The following FUT9 variants were observed in gnomAD, a reference collection of about 807,000 sequenced individuals.
FUT9 encodes the protein 4-galactosyl-N-acetylglucosaminide 3-alpha-L-fucosyltransferase 9.
FUT9 carries 15 observed loss-of-function variants against 29.7 expected under a neutral mutation model. The observed-to-expected ratio is 0.51, with a 90% CI of 0.34 to 0.78. The LOEUF is 0.78. FUT9 is among the 30% of genes least tolerant of loss of function. The pLI, the probability that FUT9 is intolerant of heterozygous loss-of-function variation, is 0.01. For missense variants in FUT9, 319 were observed against 425.4 expected (o/e 0.75, Z 2.20); for synonymous variants, 169 against 153.7 (o/e 1.10, Z -0.74).
chr6:96,190,884 T>C (rs1412180622), intron 2 of FUT9, among the ~76,000 whole-genome samples: 1 of 152,218 alleles, frequency 6.6e-6, no homozygotes, highest in African/African-American at 2.4e-5. Flanking sequence ...AGTTTGATCA[T>C]CTGAAGCCTT....
At position 96,213,866 on chromosome 6, in the gene FUT9, T is replaced by C. The variant is rs1442711261; in HGVS notation, c.*9631T>C. 4.2e-5 allele frequency: 7 copies of C among 166,986 alleles called. No homozygotes were observed. Among genetic ancestry groups the C allele is most frequent in the Non-Finnish European group, 8.8e-5 (6 of 68,052 alleles). The allele number at this position is 166,986 out of a possible 1,614,324, so 10.3% of individuals were successfully genotyped here. A position where few individuals can be genotyped will look rare whatever the true frequency, so the allele number is the denominator to read the frequency against. ...GAAATAAGATGTGTTAGAAATTATATGACTATATTAAGGTTGTGTTTATAT... is the reference window on the plus strand; with the variant it reads ...GAAATAAGATGTGTTAGAAATTATACGACTATATTAAGGTTGTGTTTATAT... On this transcript the variant is annotated 3_prime_UTR_variant, in exon 3 of 3. Transcript: ENST00000302103.
intron 1 of FUT9, among the ~76,000 whole-genome samples, chr6:96,042,734 A>G (rs1257233808): frequency 6.6e-6 from 1 of 152,180 alleles, no homozygotes; most frequent in East Asian, 1.9e-4. Context: ...GTTTAAGTGT[A>G]TTAGTCCATT....
At chr6:96,118,934 G>A (rs530432730) in intron 2 of FUT9, among the ~76,000 whole-genome samples, 36 of 149,050 alleles carry the variant, frequency 2.4e-4, no homozygotes, top group African/African-American at 8.6e-4. Flanking sequence ...AAGGATTAAA[G>A]AAAGAAATTA....
At chr6:96,190,048 T>C (rs1725602614) in intron 2 of FUT9, among the ~76,000 whole-genome samples, 2 of 152,184 alleles carry the variant, frequency 1.3e-5, no homozygotes, top group Admixed American at 6.5e-5. Context: ...TTGGTACCGG[T>C]TGTTCCTTTC....
intron 1 of FUT9, among the ~76,000 whole-genome samples, chr6:96,035,795 C>T (rs868847519): frequency 4.5e-5 from 5 of 110,826 alleles, no homozygotes; most frequent in Admixed American, 1.0e-4. Context: ...ATTTATTATA[C>T]TAATATAATA....
intron 1 of FUT9, among the ~76,000 whole-genome samples, chr6:96,038,051 ATGC>A (rs1770394137): frequency 6.6e-6 from 1 of 152,186 alleles, no homozygotes; most frequent in Non-Finnish European, 1.5e-5. Flanking sequence ...ACAGAGAGTG[ATGC>A]TTCGGAGCGT....
At chr6:96,140,407 C>T (rs550516546) in intron 2 of FUT9, among the ~76,000 whole-genome samples, 41 of 152,264 alleles carry the variant, frequency 2.7e-4, no homozygotes, top group Non-Finnish European at 4.4e-4. Context: ...CTATTCCAAC[C>T]TCTGCCTGTT....
intron 1 of FUT9, among the ~76,000 whole-genome samples, chr6:96,103,006 C>A (rs773168840): frequency 2.6e-5 from 4 of 152,120 alleles, no homozygotes; most frequent in Non-Finnish European, 2.9e-5. Flanking sequence ...GAGTGGTAGG[C>A]AGGTCCAGAC....
At chr6:96,154,868 C>T (rs1356370461) in intron 2 of FUT9, among the ~76,000 whole-genome samples, 1 of 152,158 alleles carries the variant, frequency 6.6e-6, no homozygotes, top group Non-Finnish European at 1.5e-5. Flanking sequence ...CCTGTATATG[C>T]AGATTGGAAG....
rs147262673 is a variant in FUT9 at position 96,188,016 on chromosome 6, A to T, written c.-8-15132A>T. ...TTCATAAACACCCCAATAATAAAAC[A>T]AATCTAGATTCCTTCACTGTTCTGA... On this transcript the variant is annotated intron_variant, in intron 2 of 2. Transcript: ENST00000302103. Among the ~76,000 whole-genome samples the T allele has an allele frequency of 1.0e-3, 159 of 152,186 alleles. 1 individual carries two copies. The highest frequency in any genetic ancestry group is 3.6e-3 in the African/African-American group (150 of 41,526).
rs146295290 is a variant in FUT9 at position 96,199,470 on chromosome 6, T to C, written c.-8-3678T>C. Among the ~76,000 whole-genome samples the C allele has an allele frequency of 1.6e-3, 250 of 152,108 alleles. 1 individual carries two copies. The highest frequency in any genetic ancestry group is 5.4e-3 in the African/African-American group (223 of 41,502). On this transcript the variant is annotated intron_variant, in intron 2 of 2. Coordinates refer to ENST00000302103, the MANE Select transcript of FUT9 (RefSeq NM_006581.4). ...GGATAACCTCAAGTTATATAAAATA[T>C]CCAGGAAGCATGAAAACTGGAAACC...
At chr6:96,150,996 A>G (rs545276022) in intron 2 of FUT9, among the ~76,000 whole-genome samples, 1 of 152,336 alleles carries the variant, frequency 6.6e-6, no homozygotes, top group East Asian at 1.9e-4. Flanking sequence ...ATCTTTATCA[A>G]CGTGGCTACG....
intron 1 of FUT9, among the ~76,000 whole-genome samples, chr6:96,041,248 A>G (rs1430808784): frequency 1.3e-5 from 2 of 151,980 alleles, no homozygotes; most frequent in Non-Finnish European, 2.9e-5. Context: ...ACACAATAAA[A>G]TATTTTATAT....
In FUT9 at chr6:96,205,463, T is replaced by G. The variant is rs897067186; in HGVS notation, c.*1228T>G. Reference sequence around the variant, plus strand: ...TTGGAGATGACTTTTATATCCCATTTTGGTAATTATTCATACATAGCACAT... The same window carrying G: ...TTGGAGATGACTTTTATATCCCATTGTGGTAATTATTCATACATAGCACAT... On this transcript the variant is annotated 3_prime_UTR_variant, in exon 3 of 3. Transcript: ENST00000302103. The G allele has an allele frequency of 6.0e-6, 1 of 167,066 alleles. No individual in the cohort carries two copies. Among genetic ancestry groups the G allele is most frequent in the African/African-American group, 2.4e-5 (1 of 41,462 alleles). 10.3% of individuals were successfully genotyped at this position (167,066 alleles called of 1,614,324 possible). A position where few individuals can be genotyped will look rare whatever the true frequency, so the allele number is the denominator to read the frequency against.
At position 96,205,275 on chromosome 6, in the gene FUT9, A is replaced by T. The variant is rs1773807451; in HGVS notation, c.*1040A>T. Reference sequence around the variant, plus strand: ...TAAAATTATCATCAAGGTATTAAATATAAGACGTTAAATATAATAAAGTGG... The same window carrying T: ...TAAAATTATCATCAAGGTATTAAATTTAAGACGTTAAATATAATAAAGTGG... On this transcript the variant is annotated 3_prime_UTR_variant, in exon 3 of 3. Coordinates refer to ENST00000302103, the MANE Select transcript of FUT9 (RefSeq NM_006581.4). 1 of 167,052 alleles carries T rather than the reference A, an allele frequency of 6.0e-6. No homozygotes were observed. Among genetic ancestry groups the T allele is most frequent in the African/African-American group, 2.4e-5 (1 of 41,460 alleles). The allele number at this position is 167,052 out of a possible 1,614,324, so 10.3% of individuals were successfully genotyped here.
intron 2 of FUT9, among the ~76,000 whole-genome samples, chr6:96,200,130 G>A (rs1000474233): frequency 3.9e-5 from 6 of 152,066 alleles, no homozygotes; most frequent in Non-Finnish European, 7.4e-5. Flanking sequence ...ATAAAATGGG[G>A]ATATAATGAG....
intron 2 of FUT9, among the ~76,000 whole-genome samples, chr6:96,183,787 T>A (rs1156248938): frequency 6.6e-6 from 1 of 152,164 alleles, no homozygotes; most frequent in Non-Finnish European, 1.5e-5. Context: ...ATCCCTGGTA[T>A]GAAACCTACT....
intron 2 of FUT9, among the ~76,000 whole-genome samples, chr6:96,152,120 A>G (rs1222848346): frequency 6.6e-6 from 1 of 152,156 alleles, no homozygotes; most frequent in African/African-American, 2.4e-5. Flanking sequence ...AACCATAGGG[A>G]AGGAGCCTGT....
At chr6:96,028,898 T>C (rs1024460746) in intron 1 of FUT9, among the ~76,000 whole-genome samples, 1 of 151,578 alleles carries the variant, frequency 6.6e-6, no homozygotes, top group Non-Finnish European at 1.5e-5. Context: ...TGGTATAAAA[T>C]TTTTTCCACA....
Sources: allele counts gnomAD v4.1 joint callset (sites outside exome capture counted in the v4.1 genomes callset), GRCh38; gene constraint gnomAD v4.1.1; transcripts MANE v1.5; gene names NCBI Gene and HGNC (gene_info 2026-07-23, HGNC 2026-07-21).